The following SERINC5 variants were observed in gnomAD, a reference collection of about 807,000 sequenced individuals.
The protein encoded by SERINC5 is chromosome 5 open reading frame 12.
A neutral mutation model predicts 63.1 loss-of-function variants in SERINC5; 41 were observed. That is an observed-to-expected ratio of 0.65 (90% CI 0.51 to 0.84). The LOEUF (loss-of-function observed/expected upper bound fraction) is 0.84. Ranked by LOEUF, SERINC5 falls within the 40% of genes least tolerant of loss-of-function variation. SERINC5 has a pLI of 0.00. For synonymous variants in SERINC5, 222 were observed against 215.2 expected, an observed-to-expected ratio of 1.03 and a Z score of -0.28; for missense variants, 523 against 573.0, an observed-to-expected ratio of 0.91 and a Z score of 0.89.
chr5:80,176,121 G>A (rs1488408952), intron 4 of SERINC5, among the ~76,000 whole-genome samples: 1 of 152,138 alleles, frequency 6.6e-6, no homozygotes, highest in Non-Finnish European at 1.5e-5. Context: ...AGAGGCTGCA[G>A]TGAGGCGAGA....
intron 2 of SERINC5, among the ~76,000 whole-genome samples, chr5:80,186,644 T>C (rs1256705739): frequency 6.6e-6 from 1 of 152,152 alleles, no homozygotes; most frequent in Admixed American, 6.6e-5. Flanking sequence ...GTAATTTTGT[T>C]TACACAGGAG....
intron 1 of SERINC5, among the ~76,000 whole-genome samples, chr5:80,236,135 T>A (rs1751676370): frequency 6.6e-6 from 1 of 152,146 alleles, no homozygotes; most frequent in Admixed American, 6.5e-5. Context: ...AATTTGGATA[T>A]CAGTATCCCA....
chr5:80,190,530 G>A (rs920700334), intron 2 of SERINC5, among the ~76,000 whole-genome samples: 2 of 152,164 alleles, frequency 1.3e-5, no homozygotes, highest in Non-Finnish European at 2.9e-5. Flanking sequence ...CAACTACTAT[G>A]TGCAGGTATT....
intron 11 of SERINC5, among the ~76,000 whole-genome samples, chr5:80,121,865 C>T (rs369930884): frequency 1.4e-4 from 21 of 151,932 alleles, no homozygotes; most frequent in East Asian, 1.4e-3. Context: ...AGAGTGAGAA[C>T]CCACTCATTA....
At chr5:80,156,543 A>C (rs535199762) in intron 8 of SERINC5, among the ~76,000 whole-genome samples, 2 of 152,162 alleles carry the variant, frequency 1.3e-5, no homozygotes, top group African/African-American at 4.8e-5. Context: ...TACGCTACAG[A>C]GCAGAGTGGT....
At chr5:80,219,335 A>G (rs1278817909) in intron 1 of SERINC5, among the ~76,000 whole-genome samples, 2 of 152,170 alleles carry the variant, frequency 1.3e-5, no homozygotes, top group Non-Finnish European at 2.9e-5. Flanking sequence ...TACAGCTGAG[A>G]AAACACTTTT....
Position 80,138,949 on chromosome 5 carries a change from T to C in SERINC5, c.*4714A>G, listed in dbSNP as rs955336039. ...GTTAACAAGTTTTGAGTTTTTTATA[T>C]AGGAAAAGCCTAGTCAATTCAGATG... On this transcript the variant is annotated 3_prime_UTR_variant, in exon 12 of 12. Coordinates refer to ENST00000507668, the MANE Select transcript of SERINC5 (RefSeq NM_001174072.3). 2 of 974,572 alleles carry C rather than the reference T, an allele frequency of 2.1e-6. No homozygotes were observed. The highest frequency in any genetic ancestry group is 9.5e-5 in the South Asian group (2 of 21,060). 60.4% of individuals were successfully genotyped at this position (974,572 alleles called of 1,614,324 possible).
chr5:80,147,594 C>T (rs1255574819), intron 9 of SERINC5, among the ~76,000 whole-genome samples: 1 of 151,768 alleles, frequency 6.6e-6, no homozygotes, highest in African/African-American at 2.4e-5. Context: ...GGGTAAAGGC[C>T]GTGCCTTTAT....
chr5:80,238,988 CAA>C (rs1455208652), intron 1 of SERINC5, among the ~76,000 whole-genome samples: 1 of 152,152 alleles, frequency 6.6e-6, no homozygotes, highest in Non-Finnish European at 1.5e-5. Flanking sequence ...TGGAAAATAG[CAA>C]AGGCTAGGAG....
chr5:80,235,976 A>T (rs546498820), intron 1 of SERINC5, among the ~76,000 whole-genome samples: 200 of 152,294 alleles, frequency 1.3e-3, no homozygotes, highest in African/African-American at 4.7e-3. Flanking sequence ...ATTTTAGATT[A>T]TTTTAAAAGT....
chr5:80,243,639 C>G (rs1752042192), intron 1 of SERINC5, among the ~76,000 whole-genome samples: 2 of 152,010 alleles, frequency 1.3e-5, no homozygotes, highest in South Asian at 4.2e-4. Context: ...GGCATGGTGG[C>G]TCACACCTGT....
intron 1 of SERINC5, among the ~76,000 whole-genome samples, chr5:80,225,186 CTT>C (rs1751116004): frequency 6.6e-6 from 1 of 152,184 alleles, no homozygotes; most frequent in African/African-American, 2.4e-5. Flanking sequence ...CCAAACACAA[CTT>C]TTTGAGTACC....
chr5:80,137,812 T>C (rs1052958571), downstream of SERINC5, among the ~76,000 whole-genome samples: 8 of 149,098 alleles, frequency 5.4e-5, no homozygotes, highest in South Asian at 2.1e-4. Context: ...CTTGGTGTTG[T>C]AGCCTGTGGT....
At chr5:80,240,489 T>C (rs960430108) in intron 1 of SERINC5, among the ~76,000 whole-genome samples, 4 of 152,180 alleles carry the variant, frequency 2.6e-5, no homozygotes, top group Admixed American at 1.3e-4. Flanking sequence ...TTAACCAAAT[T>C]TTCCCCGTGA....
At chr5:80,189,137 A>G (rs13162378) in intron 2 of SERINC5, among the ~76,000 whole-genome samples, 53,067 of 152,086 alleles carry the variant, frequency 0.35, 9,697 homozygotes, top group Non-Finnish European at 0.4. Flanking sequence ...GACAGAAGTC[A>G]TAAAGTTAGT....
At chr5:80,212,351 G>A (rs1224463854) in intron 1 of SERINC5, among the ~76,000 whole-genome samples, 3 of 152,112 alleles carry the variant, frequency 2.0e-5, no homozygotes, top group Non-Finnish European at 4.4e-5. Flanking sequence ...TGGGTTCAAA[G>A]TTTTTTATTC....
chr5:80,234,479 T>A (rs1325368551), intron 1 of SERINC5, among the ~76,000 whole-genome samples: 1 of 152,164 alleles, frequency 6.6e-6, no homozygotes, highest in Non-Finnish European at 1.5e-5. Flanking sequence ...AACTCTGTTA[T>A]CTCCAAACCC....
intron 12 of SERINC5, among the ~76,000 whole-genome samples, chr5:80,113,094 T>C (rs1475658714): frequency 6.6e-6 from 1 of 152,248 alleles, no homozygotes; most frequent in Non-Finnish European, 1.5e-5. Flanking sequence ...AATAATTTTA[T>C]TCTGGCCATG....
chr5:80,162,859 G>T (rs1317089687), intron 7 of SERINC5, among the ~76,000 whole-genome samples: 1 of 149,014 alleles, frequency 6.7e-6, no homozygotes, highest in Non-Finnish European at 1.5e-5. Flanking sequence ...TTTTTTTTGA[G>T]GCGGAGTTTC....
Sources: allele counts gnomAD v4.1 joint callset (sites outside exome capture counted in the v4.1 genomes callset), GRCh38; gene constraint gnomAD v4.1.1; transcripts MANE v1.5; gene names NCBI Gene and HGNC (gene_info 2026-07-23, HGNC 2026-07-21).